The following NCSTN variants were observed in gnomAD, a reference collection of about 807,000 sequenced individuals.
NCSTN encodes nicastrin.
A neutral mutation model predicts 87.0 loss-of-function variants in NCSTN; 22 were observed. The ratio of observed to expected loss-of-function variants is 0.25; its 90% confidence interval spans 0.18 to 0.36. NCSTN has a LOEUF of 0.36. Among genes scored for constraint, NCSTN ranks in the 10% least tolerant of loss-of-function variants. The probability of loss-of-function intolerance (pLI) is 1.00; values close to 1 mark genes in which losing one functional copy is unlikely to be tolerated. For missense variants in NCSTN, 693 were observed against 883.3 expected (o/e 0.78, Z 2.73); for synonymous variants, 306 against 327.1 (o/e 0.94, Z 0.69).
Position 160,349,062 on chromosome 1 carries a change from T to C in NCSTN, c.254T>C (p.Val85Ala). The C allele has an allele frequency of 1.2e-6, 2 of 1,614,120 alleles. No individual in the cohort carries two copies. Among genetic ancestry groups the C allele is most frequent in the East Asian group, 4.5e-5 (2 of 44,882 alleles). The change falls in exon 3 of 17, where the codon GTA (valine) becomes GCA (alanine). Residue 85 changes from valine (V) to alanine (A), a missense_variant. Around this residue, in one of 4 missense-constraint regions of NCSTN, gnomAD observed 235 missense variants for 233.9 expected, o/e 1.00. Transcript: ENST00000294785. ...GAGAAAGAGGAGGACCTACAGTGGG[T>C]ATTGACTGATGGCCCCAACCCCCCT... ...VVEKEEDLQW[V>A]LTDGPNPPYM...
chr1:160,354,570 C>T (rs1359022931), intron 11 of NCSTN, among the ~76,000 whole-genome samples: 2 of 152,162 alleles, frequency 1.3e-5, no homozygotes, highest in South Asian at 4.1e-4. Flanking sequence ...TCCTGAGTTC[C>T]TCAGGGTTGC....
chr1:160,356,227 C>G (rs757665712), intron 13 of NCSTN, 33 bp from the exon 14 acceptor site: 1 of 1,542,188 alleles, frequency 6.5e-7, no homozygotes. Flanking sequence ...CTTCAAGTCA[C>G]AGGGTTTTCT....
intron 2 of NCSTN, 94 bp downstream of exon 2, chr1:160,344,920 CTT>C (rs1343244989): frequency 5.7e-6 from 6 of 1,049,936 alleles, no homozygotes; most frequent in Non-Finnish European, 8.9e-6. Flanking sequence ...AGATTTGACA[CTT>C]ATATTGGACT....
At position 160,355,687 on chromosome 1, in the gene NCSTN, A is replaced by C. The variant is rs763924422; in HGVS notation, c.1385A>C (p.Asn462Thr). 1.2e-6 allele frequency: 2 copies of C among 1,614,138 alleles called. No individual in the cohort carries two copies. The highest frequency in any genetic ancestry group is 3.3e-4 in the Middle Eastern group (2 of 6,062). ...YYQSIYDTAE[N>T]INVSYPEWLS... ...CAGAGTATTTACGACACTGCTGAGAACATTAATGTGAGCTATCCCGAATGG... is the reference window on the plus strand; with the variant it reads ...CAGAGTATTTACGACACTGCTGAGACCATTAATGTGAGCTATCCCGAATGG... The change falls in exon 12 of 17, where the codon AAC becomes ACC. Residue 462 changes from asparagine (N) to threonine (T), a missense_variant. This residue lies in a region of NCSTN where 108 missense variants were observed against 111.6 expected (regional missense o/e 0.97). Coordinates refer to ENST00000294785, the MANE Select transcript of NCSTN (RefSeq NM_015331.3).
chr1:160,343,879 C>T (rs955185138), intron 1 of NCSTN: 1 of 426,602 alleles, frequency 2.3e-6, no homozygotes, highest in Middle Eastern at 3.4e-4. Context: ...TGCTGTGCGG[C>T]GCTTAAAAGG....
intron 16 of NCSTN, among the ~76,000 whole-genome samples, chr1:160,357,807 C>G (rs985543081): frequency 6.6e-6 from 1 of 152,200 alleles, no homozygotes; most frequent in Non-Finnish European, 1.5e-5. Flanking sequence ...CTGGCATTCC[C>G]CATCTGGCAC....
At chr1:160,351,863 C>CTAT (rs1648865923) in intron 7 of NCSTN, 58 bp downstream of exon 7, 1 of 1,492,976 alleles carries the variant, frequency 6.7e-7, no homozygotes, top group Non-Finnish European at 9.3e-7. Context: ...GCTGGTAGGC[C>CTAT]CCGCTCTAGC....
At chr1:160,347,302 GA>G (rs1648552259) in intron 2 of NCSTN, among the ~76,000 whole-genome samples, 1 of 152,134 alleles carries the variant, frequency 6.6e-6, no homozygotes, top group African/African-American at 2.4e-5. Flanking sequence ...AAACTAAGGA[GA>G]AAAAAGTGAT....
Position 160,344,715 on chromosome 1 carries a change from C to T in NCSTN, c.86-7C>T, listed in dbSNP as rs375452700. ...AATTTTTCTAACACTTTTTATCTTC[C>T]GATCAGGTTTGTGCAGGGGAAACTC... On this transcript the variant is annotated splice_polypyrimidine_tract_variant and splice_region_variant and intron_variant, in intron 1 of 16. Coordinates refer to ENST00000294785, the MANE Select transcript of NCSTN (RefSeq NM_015331.3). The T allele has an allele frequency of 1.1e-5, 18 of 1,612,710 alleles. No homozygotes were observed. The highest frequency in any genetic ancestry group is 9.3e-5 in the African/African-American group (7 of 74,884).
chr1:160,343,550 C>A, intron 1 of NCSTN, 69 bp downstream of exon 1: 1 of 1,407,918 alleles, frequency 7.1e-7, no homozygotes. Flanking sequence ...CCGCGACCGC[C>A]ACTGTCTCCC....
chr1:160,354,578 T>A (rs1649040130), intron 11 of NCSTN, among the ~76,000 whole-genome samples: 1 of 152,184 alleles, frequency 6.6e-6, no homozygotes, highest in African/African-American at 2.4e-5. Flanking sequence ...TCCTCAGGGT[T>A]GCCAGCAGAG....
rs148530123 is a variant in NCSTN, at chr1:160,351,778, C to T, written c.816C>T (p.Asp272=). 618 of 1,612,632 alleles carry T rather than the reference C, an allele frequency of 3.8e-4. No homozygotes were observed. Among genetic ancestry groups the T allele is most frequent in the Non-Finnish European group, 4.9e-4 (580 of 1,178,748 alleles). The change falls in exon 7 of 17, where the codon GAC becomes GAT. Residue 272 remains aspartate, a synonymous_variant. Transcript: ENST00000294785. ...PINTTGTLKP[D]DRVVVAATRL... ...ATACAACTGGGACATTAAAGCCTGA[C>T]GACAGGGTTGTGGTTGCTGCCACCC...
In NCSTN at chr1:160,356,670, C is replaced by T. The variant is rs115808642; in HGVS notation, c.1710C>T (p.Ala570=). ...PTNTTYVVQY[A]LANLTGTVVN... ...ACACCACTTATGTTGTACAGTATGC[C>T]TTGGCAAATTTGACTGGCACAGTGG... The change falls in exon 15 of 17, where the codon GCC becomes GCT. Residue 570 remains alanine, a synonymous_variant. Transcript: ENST00000294785. The T allele has an allele frequency of 8.4e-4, 1,359 of 1,614,208 alleles. 47 individuals are homozygous for T. In the East Asian group the frequency reaches 0.03, roughly 36 times the overall value.
rs1292243539 is a variant in NCSTN at position 160,352,341 on chromosome 1, A to G, written c.996+135A>G. On this transcript the variant is annotated intron_variant, in intron 8 of 16. Transcript: ENST00000294785. ...GCACAGAGCTTCTGGATGTGTCTAC[A>G]TGTGTCTCCCCTTTAGATTCCTCCA... The G allele has an allele frequency of 2.5e-5, 27 of 1,079,958 alleles. No homozygotes were observed. The East Asian group carries it at 6.0e-4, about 24-fold the overall frequency. 66.9% of individuals were successfully genotyped at this position (1,079,958 alleles called of 1,614,324 possible). A position where few individuals can be genotyped will look rare whatever the true frequency, so the allele number is the denominator to read the frequency against.
In NCSTN at chr1:160,355,680, G is replaced by T; in HGVS notation, c.1378G>T (p.Ala460Ser). 6.2e-7 allele frequency: 1 copy of T among 1,614,132 alleles called. No homozygotes were observed. The highest frequency in any genetic ancestry group is 8.5e-7 in the Non-Finnish European group (1 of 1,179,952). The part of the protein sequence containing the change: ...NKYYQSIYDT[A>S]ENINVSYPEW... ...ATATTACCAGAGTATTTACGACACT[G>T]CTGAGAACATTAATGTGAGCTATCC... The change falls in exon 12 of 17, where the codon GCT becomes TCT. Residue 460 changes from alanine (A) to serine (S), a missense_variant. Coordinates refer to ENST00000294785, the MANE Select transcript of NCSTN (RefSeq NM_015331.3).
Position 160,354,276 on chromosome 1 carries a change from T to C in NCSTN, c.1338T>C (p.Gly446=), listed in dbSNP as rs1332296378. Residue 446 remains glycine (G), a synonymous_variant, in exon 11 of 17, where the codon GGT becomes GGC. Coordinates refer to ENST00000294785, the MANE Select transcript of NCSTN (RefSeq NM_015331.3). ...GCGTTGTTCTGGCTGACCACTCTGG[T>C]GCCTTCCATAACAAGTAAGAATCAC... ...ISGVVLADHS[G]AFHNKYYQSI... 1 of 1,614,164 alleles carries C rather than the reference T, an allele frequency of 6.2e-7. No homozygotes were observed. Among genetic ancestry groups the C allele is most frequent in the Non-Finnish European group, 8.5e-7 (1 of 1,180,036 alleles).
chr1:160,344,558 T>TA (rs766612704), intron 1 of NCSTN, 164 bp from the exon 2 acceptor site: 45 of 1,550,864 alleles, frequency 2.9e-5, no homozygotes, highest in Non-Finnish European at 3.7e-5. Context: ...ATGTATCTGT[T>TA]ACGATAAGTG....
intron 5 of NCSTN, 28 bp from the exon 6 acceptor site, chr1:160,351,194 T>C (rs1157279508): frequency 1.2e-6 from 2 of 1,613,774 alleles, no homozygotes; most frequent in South Asian, 2.2e-5. Context: ...AAACTAGCTG[T>C]CTCAGTGGGG....
intron 7 of NCSTN, 77 bp from the exon 8 acceptor site, chr1:160,351,977 C>A: frequency 6.4e-7 from 1 of 1,572,706 alleles, no homozygotes; most frequent in South Asian, 1.1e-5. Flanking sequence ...GGTATATTCT[C>A]TTGACTGGAG....
Sources: gnomAD v4.1 joint callset for allele counts (sites outside exome capture counted in the v4.1 genomes callset) on GRCh38, gnomAD v4.1.1 for gene constraint, gnomAD v4.1.1 regional missense constraint, MANE v1.5 for transcripts, NCBI Gene and HGNC (gene_info 2026-07-23, HGNC 2026-07-21) for gene names.